The following PAX3 variants were observed in gnomAD, a reference collection of about 807,000 sequenced individuals.
The protein encoded by PAX3 is paired box 3.
Under a neutral mutation model 51.6 loss-of-function variants are expected in PAX3, and 14 were observed. The ratio of observed to expected loss-of-function variants is 0.27; its 90% CI spans 0.18 to 0.42. The LOEUF (loss-of-function observed/expected upper bound fraction) is 0.42. Ranked by LOEUF, PAX3 falls within the 10% of genes least tolerant of loss-of-function variation. The pLI, the probability that PAX3 is intolerant of heterozygous loss-of-function variation, is 1.00. For missense variants in PAX3, 540 were observed against 642.8 expected (o/e 0.84, Z 1.73); for synonymous variants, 280 against 253.4 (o/e 1.11, Z -1.00).
At chr2:222,213,495 C>G (rs1446572106) in intron 7 of PAX3, among the ~76,000 whole-genome samples, 2 of 152,094 alleles carry the variant, frequency 1.3e-5, no homozygotes, top group Non-Finnish European at 2.9e-5. Context: ...CATTCTTGAG[C>G]CTTCACAAAC....
In PAX3 at chr2:222,297,191, G is replaced by A; in HGVS notation, c.108C>T (p.Gly36=). The change falls in exon 2 of 9, where the codon GGC becomes GGT. Residue 36 remains glycine, a synonymous_variant. Coordinates refer to ENST00000392070, the MANE Select transcript of PAX3 (RefSeq NM_181458.4). ...AAACACCGCCGAGCTGGTTGACGCGGCCCTGGCCGAGGGGAGTGGACACTG... is the reference window on the plus strand; with the variant it reads ...AAACACCGCCGAGCTGGTTGACGCGACCCTGGCCGAGGGGAGTGGACACTG... ...PLEVSTPLGQ[G]RVNQLGGVFI... 6.3e-7 allele frequency: 1 copy of A among 1,588,950 alleles called. No homozygotes were observed. The highest frequency in any genetic ancestry group is 8.6e-7 in the Non-Finnish European group (1 of 1,167,762).
intron 4 of PAX3, among the ~76,000 whole-genome samples, chr2:222,240,111 A>C (rs1692953173): frequency 6.6e-6 from 1 of 152,146 alleles, no homozygotes; most frequent in African/African-American, 2.4e-5. Flanking sequence ...CCTGACACTC[A>C]ACAACTCCCC....
At chr2:222,295,801 T>A in intron 2 of PAX3, 144 bp from the exon 3 acceptor site, 1 of 915,784 alleles carries the variant, frequency 1.1e-6, no homozygotes. Context: ...ACCTGAACTC[T>A]CTGAGGCACT....
Position 222,297,110 on chromosome 2 carries a change from G to C in PAX3, c.189C>G (p.Ala63=). Residue 63 remains alanine (A), a synonymous_variant, in exon 2 of 9, where the codon GCC becomes GCG. Coordinates refer to ENST00000392070, the MANE Select transcript of PAX3 (RefSeq NM_181458.4). ...NHIRHKIVEM[A]HHGIRPCVIS... Reference sequence around the variant, plus strand: ...TGACGCAGGGCCGGATGCCGTGGTGGGCCATCTCCACGATCTTGTGGCGGA... The same window carrying C: ...TGACGCAGGGCCGGATGCCGTGGTGCGCCATCTCCACGATCTTGTGGCGGA... The C allele has an allele frequency of 1.2e-6, 2 of 1,613,840 alleles. No individual in the cohort carries two copies. Among genetic ancestry groups the C allele is most frequent in the South Asian group, 1.1e-5 (1 of 91,022 alleles).
Position 222,221,291 on chromosome 2 carries a change from T to A in PAX3, c.889A>T (p.Thr297Ser). Residue 297 changes from threonine (T) to serine (S), a missense_variant, in exon 6 of 9, where the codon ACT becomes TCT. Thr to Ser is a moderately conservative substitution (Grantham distance 58, BLOSUM62 1). This residue lies in a region of PAX3 where 427 missense variants were observed against 483.6 expected (regional missense o/e 0.88). Transcript: ENST00000392070. ...TACGTTGGCAAGGTCGGCATGGCAG[T>A]GGGAGGGAACCCCCCGGGAATGAGA... ...NHLIPGGFPP[T>S]AMPTLPTYQL... The A allele has an allele frequency of 6.2e-7, 1 of 1,614,090 alleles. No individual in the cohort carries two copies. The highest frequency in any genetic ancestry group is 8.5e-7 in the Non-Finnish European group (1 of 1,179,950).
chr2:222,257,870 GCT>G (rs1693707224), intron 4 of PAX3, among the ~76,000 whole-genome samples: 1 of 152,190 alleles, frequency 6.6e-6, no homozygotes, highest in African/African-American at 2.4e-5. Flanking sequence ...CATCGTCCCG[GCT>G]CAGGGAGTTC....
At chr2:222,202,530 G>C (rs750351334) in intron 7 of PAX3, among the ~76,000 whole-genome samples, 14 of 152,034 alleles carry the variant, frequency 9.2e-5, no homozygotes, top group Non-Finnish European at 1.9e-4. Context: ...AAAAAAGGAT[G>C]AAAAGAGGGA....
chr2:222,279,652 A>T lies in PAX3; in HGVS notation c.586+14515T>A, dbSNP rs140688366. ...CCATAAGAATTTTCCAAGCACCAGA[A>T]ATTTCAATGTGAAAGATAGTCATTG... On this transcript the variant is annotated intron_variant, in intron 4 of 8. Coordinates refer to ENST00000392070, the MANE Select transcript of PAX3 (RefSeq NM_181458.4). Among the ~76,000 whole-genome samples the T allele has an allele frequency of 1.2e-4, 18 of 152,344 alleles. No homozygotes were observed. The East Asian group carries it at 3.5e-3, about 29-fold the overall frequency.
Position 222,201,743 on chromosome 2 carries a change from G to A in PAX3, c.1420+201C>T, listed in dbSNP as rs573451372. On this transcript the variant is annotated intron_variant, in intron 8 of 8. Coordinates refer to ENST00000392070, the MANE Select transcript of PAX3 (RefSeq NM_181458.4). ...TTTCACGTCTCAACAATTAATAACC[G>A]CAAGATGTTGTTGACATCAGTTAAG... The A allele has an allele frequency of 9.9e-5, 145 of 1,467,522 alleles. No individual in the cohort carries two copies. In the African/African-American group the frequency reaches 1.2e-3, roughly 12 times the overall value. 90.9% of individuals were successfully genotyped at this position (1,467,522 alleles called of 1,614,324 possible).
At chr2:222,248,016 C>A (rs1693291597) in intron 4 of PAX3, among the ~76,000 whole-genome samples, 1 of 152,118 alleles carries the variant, frequency 6.6e-6, no homozygotes, top group Non-Finnish European at 1.5e-5. Context: ...CAAAGATAAT[C>A]ATCAGTCTTC....
rs1476050592 is a variant in PAX3, at chr2:222,201,205, C to A, written c.*203G>T. On this transcript the variant is annotated 3_prime_UTR_variant, in exon 9 of 9. Transcript: ENST00000392070. Reference sequence around the variant, plus strand: ...CTCCAGGTCTTCCTCTTCTCCACTGCTTTTGTCGAACGTGTTCAAAAGGAT... The same window carrying A: ...CTCCAGGTCTTCCTCTTCTCCACTGATTTTGTCGAACGTGTTCAAAAGGAT... 1.9e-6 allele frequency: 3 copies of A among 1,613,922 alleles called. No homozygotes were observed. The African/African-American group carries it at 4.0e-5, about 22-fold the overall frequency.
intron 4 of PAX3, among the ~76,000 whole-genome samples, chr2:222,289,456 G>GCGCTGACTGGTTCC (rs1269736197): frequency 2.6e-5 from 4 of 152,110 alleles, no homozygotes; most frequent in Non-Finnish European, 5.9e-5. Context: ...GAACCGCCGC[G>GCGCTGACTGGTTCC]CGCTGACTGG....
intron 7 of PAX3, among the ~76,000 whole-genome samples, chr2:222,203,326 T>C (rs928690880): frequency 6.6e-6 from 1 of 151,778 alleles, no homozygotes; most frequent in African/African-American, 2.4e-5. Flanking sequence ...TACCCTTCTG[T>C]GGCAGGGTTC....
intron 4 of PAX3, among the ~76,000 whole-genome samples, chr2:222,257,861 A>G (rs1693705979): frequency 6.6e-6 from 1 of 152,166 alleles, no homozygotes. Context: ...TGCTGACTGC[A>G]TCGTCCCGGC....
intron 4 of PAX3, among the ~76,000 whole-genome samples, chr2:222,287,215 A>T (rs531425398): frequency 6.6e-6 from 1 of 152,296 alleles, no homozygotes; most frequent in African/African-American, 2.4e-5. Flanking sequence ...AGGGCAGAGG[A>T]TGGCCATTAG....
intron 1 of PAX3, among the ~76,000 whole-genome samples, chr2:222,297,820 T>C (rs1285962043): frequency 2.0e-5 from 3 of 152,100 alleles, no homozygotes; most frequent in African/African-American, 7.2e-5. Context: ...TTGCTCTGGG[T>C]GTTACATTCT....
chr2:222,293,994 T>A, intron 4 of PAX3, 173 bp downstream of exon 4: 2 of 1,533,334 alleles, frequency 1.3e-6, no homozygotes, highest in Non-Finnish European at 1.7e-6. Context: ...TTGTTTTGAT[T>A]CCTAGTGTCC....
In PAX3 at chr2:222,231,988, G is replaced by A. The variant is rs1443819690; in HGVS notation, c.792+90C>T. On this transcript the variant is annotated intron_variant, in intron 5 of 8. Coordinates refer to ENST00000392070, the MANE Select transcript of PAX3 (RefSeq NM_181458.4). ...AAAGGGCCATTCCTAATACATTTTT[G>A]GGGGGGATTGACATATGTTTTAGAT... 18 of 1,144,074 alleles carry A rather than the reference G, an allele frequency of 1.6e-5. No homozygotes were observed. The Admixed American group carries it at 2.0e-4, about 13-fold the overall frequency. The allele number at this position is 1,144,074 out of a possible 1,614,324, so 70.9% of individuals were successfully genotyped here. A position where few individuals can be genotyped will look rare whatever the true frequency, so the allele number is the denominator to read the frequency against.
In PAX3 at chr2:222,201,295, C is replaced by G; in HGVS notation, c.*113G>C. ...CTTTGTCTCCTATTGGGACCACTGCCCCACCCCCCCCAACAAAAGGGTAAT... is the reference window on the plus strand; with the variant it reads ...CTTTGTCTCCTATTGGGACCACTGCGCCACCCCCCCCAACAAAAGGGTAAT... On this transcript the variant is annotated 3_prime_UTR_variant, in exon 9 of 9. Coordinates refer to ENST00000392070, the MANE Select transcript of PAX3 (RefSeq NM_181458.4). 6.2e-7 allele frequency: 1 copy of G among 1,600,328 alleles called. No homozygotes were observed. The highest frequency in any genetic ancestry group is 2.4e-5 in the East Asian group (1 of 42,466).
Sources: allele counts gnomAD v4.1 joint callset (sites outside exome capture counted in the v4.1 genomes callset), GRCh38; gene constraint gnomAD v4.1.1; regional missense constraint gnomAD v4.1.1; transcripts MANE v1.5; gene names NCBI Gene and HGNC (gene_info 2026-07-23, HGNC 2026-07-21).